The following SEMA3D variants were observed in gnomAD, a reference collection of about 807,000 sequenced individuals.
SEMA3D encodes the protein semaphorin 3D, also known as semaphorin-3D.
Under a neutral mutation model 100.1 loss-of-function variants are expected in SEMA3D, and 84 were observed. The observed-to-expected ratio is 0.84, with a 90% CI of 0.70 to 1.01. The LOEUF (loss-of-function observed/expected upper bound fraction) is 1.01. Ranked by LOEUF, SEMA3D falls within the 50% of genes least tolerant of loss-of-function variation. The pLI is 0.00. For synonymous variants in SEMA3D, 312 were observed against 320.7 expected (o/e 0.97, Z 0.29); for missense variants, 875 against 934.1 (o/e 0.94, Z 0.82).
intron 1 of SEMA3D, among the ~76,000 whole-genome samples, chr7:85,172,944 G>C (rs1178836086): frequency 1.3e-5 from 2 of 152,024 alleles, no homozygotes; most frequent in Non-Finnish European, 2.9e-5. Flanking sequence ...AGAATAGTGA[G>C]AGCATTTAAC....
the SEMA3D span, among the ~76,000 whole-genome samples, chr7:85,193,757 C>G: frequency 1.3e-5 from 2 of 152,222 alleles, no homozygotes; most frequent in South Asian, 4.2e-4. Flanking sequence ...AAGGATACTT[C>G]CTCTTCTTCT....
intron 2 of SEMA3D, among the ~76,000 whole-genome samples, chr7:85,134,819 A>G (rs1456622971): frequency 6.6e-6 from 1 of 152,020 alleles, no homozygotes; most frequent in Non-Finnish European, 1.5e-5. Context: ...GTATAATATC[A>G]TAAAAACTCA....
chr7:85,206,129 T>G, the SEMA3D span, among the ~76,000 whole-genome samples: 76 of 152,218 alleles, frequency 5.0e-4, 1 homozygote, highest in African/African-American at 1.7e-3. Flanking sequence ...GCCAGGTTGG[T>G]GCATGGTTAG....
At position 85,015,045 on chromosome 7, in the gene SEMA3D, C is replaced by A. The variant is rs1299831008; in HGVS notation, c.1703+14G>T. 1.9e-6 allele frequency: 3 copies of A among 1,604,546 alleles called. No individual in the cohort carries two copies. The highest frequency in any genetic ancestry group is 2.6e-6 in the Non-Finnish European group (3 of 1,172,824). Reference sequence around the variant, plus strand: ...AGAAAGGAAGCCTTTATATTAACTCCATGTGCCTCTTACCTTTTAGAAGTA... The same window carrying A: ...AGAAAGGAAGCCTTTATATTAACTCAATGTGCCTCTTACCTTTTAGAAGTA... On this transcript the variant is annotated intron_variant, in intron 16 of 18. Transcript: ENST00000284136.
chr7:85,140,286 T>C (rs995559756), intron 2 of SEMA3D: 1 of 976,672 alleles, frequency 1.0e-6, no homozygotes, highest in Non-Finnish European at 1.2e-6. Flanking sequence ...TTTCCTCAAA[T>C]ATGCAAAACT....
At chr7:85,099,975 G>C (rs1788694379) in intron 3 of SEMA3D, among the ~76,000 whole-genome samples, 1 of 151,908 alleles carries the variant, frequency 6.6e-6, no homozygotes, top group African/African-American at 2.4e-5. Context: ...CCAGTCTGCA[G>C]CTTGTCTTTC....
At chr7:85,018,016 A>C (rs1790152247) in intron 15 of SEMA3D, among the ~76,000 whole-genome samples, 1 of 151,812 alleles carries the variant, frequency 6.6e-6, no homozygotes, top group Non-Finnish European at 1.5e-5. Flanking sequence ...AAGTGAGTTC[A>C]GTTTTTAAGA....
At position 85,055,810 on chromosome 7, in the gene SEMA3D, A is replaced by G. The variant is rs759154424; in HGVS notation, c.768T>C (p.Asp256=). The G allele has an allele frequency of 1.9e-6, 3 of 1,577,734 alleles. No homozygotes were observed. The highest frequency in any genetic ancestry group is 1.4e-5 in the African/African-American group (1 of 73,966). The change falls in exon 9 of 19, where the codon GAT becomes GAC. Residue 256 remains aspartate, a synonymous_variant. Transcript: ENST00000284136. ...TFFIPDTYNP[D]DDKIYFFFRE... Reference sequence around the variant, plus strand: ...GAAAGAAGAAATATATTTTATCATCATCTGGATTGTAGGTGTCTGGTATGA... The same window carrying G: ...GAAAGAAGAAATATATTTTATCATCGTCTGGATTGTAGGTGTCTGGTATGA...
intron 8 of SEMA3D, among the ~76,000 whole-genome samples, chr7:85,062,630 C>T (rs1227943344): frequency 6.6e-6 from 1 of 151,994 alleles, no homozygotes; most frequent in African/African-American, 2.4e-5. Context: ...GACTTTAAAT[C>T]CAATTAAAAC....
chr7:85,021,483 C>T (rs937503688), intron 13 of SEMA3D, among the ~76,000 whole-genome samples: 1 of 151,784 alleles, frequency 6.6e-6, no homozygotes, highest in Non-Finnish European at 1.5e-5. Flanking sequence ...TCAAAATAAT[C>T]AGGTTTGACA....
intron 3 of SEMA3D, among the ~76,000 whole-genome samples, chr7:85,117,223 A>C (rs577919197): frequency 6.6e-6 from 1 of 152,294 alleles, no homozygotes; most frequent in South Asian, 2.1e-4. Context: ...CTGAGGATAC[A>C]TGAAGGAAGA....
At chr7:85,223,308 T>C in the SEMA3D span, among the ~76,000 whole-genome samples, 125 of 152,088 alleles carry the variant, frequency 8.2e-4, no homozygotes, top group African/African-American at 2.9e-3. Context: ...TTAATGACAA[T>C]ACCACAATTA....
the SEMA3D span, among the ~76,000 whole-genome samples, chr7:85,221,978 GATA>G: frequency 3.9e-5 from 6 of 152,012 alleles, no homozygotes; most frequent in Non-Finnish European, 7.4e-5. Context: ...AATCATTGCA[GATA>G]ATAAAATTGC....
rs1788605859 is a variant in SEMA3D at position 85,097,746 on chromosome 7, G to A, written c.312+59C>T. 13 of 1,105,176 alleles carry A rather than the reference G, an allele frequency of 1.2e-5. No individual in the cohort carries two copies. The South Asian group carries it at 1.9e-4, about 16-fold the overall frequency. The allele number at this position is 1,105,176 out of a possible 1,614,324, so 68.5% of individuals were successfully genotyped here. A position where few individuals can be genotyped will look rare whatever the true frequency, so the allele number is the denominator to read the frequency against. The stretch of plus-strand genomic sequence containing the variant: ...CTTAAAACAAAGCAAAACAAAACGG[G>A]AGAAGAAGAGAGATGAAAATAAATG... On this transcript the variant is annotated intron_variant, in intron 4 of 18. Coordinates refer to ENST00000284136, the MANE Select transcript of SEMA3D (RefSeq NM_001384900.1).
At chr7:85,012,104 C>A (rs531228459) in intron 17 of SEMA3D, among the ~76,000 whole-genome samples, 1 of 151,812 alleles carries the variant, frequency 6.6e-6, no homozygotes, top group South Asian at 2.1e-4. Context: ...TCTTTTCCCC[C>A]ACACTGGCCT....
intron 12 of SEMA3D, among the ~76,000 whole-genome samples, chr7:85,030,869 C>A (rs1790529151): frequency 6.6e-6 from 1 of 151,890 alleles, no homozygotes; most frequent in Admixed American, 6.6e-5. Context: ...ATGATTGATT[C>A]ACTGTATTAT....
intron 1 of SEMA3D, among the ~76,000 whole-genome samples, chr7:85,181,413 C>T (rs1337655740): frequency 6.6e-6 from 1 of 151,364 alleles, no homozygotes; most frequent in Non-Finnish European, 1.5e-5. Context: ...TGAAAGAGCT[C>T]CCAGAGGCCA....
intron 18 of SEMA3D, among the ~76,000 whole-genome samples, chr7:85,002,911 G>A (rs916871851): frequency 2.6e-5 from 4 of 152,124 alleles, no homozygotes; most frequent in African/African-American, 9.7e-5. Flanking sequence ...CCTAATAGTA[G>A]TTCTTTTACA....
chr7:85,081,473 CAGT>C (rs758681065), intron 5 of SEMA3D, 41 bp downstream of exon 5: 3 of 1,236,832 alleles, frequency 2.4e-6, no homozygotes, highest in Non-Finnish European at 3.6e-6. Context: ...GCTATCATAT[CAGT>C]AGAAGTTTTA....
Sources: allele counts gnomAD v4.1 joint callset (sites outside exome capture counted in the v4.1 genomes callset), GRCh38; gene constraint gnomAD v4.1.1; transcripts MANE v1.5; gene names NCBI Gene and HGNC (gene_info 2026-07-23, HGNC 2026-07-21).